STAG1: variants seen among roughly 807,000 people sequenced by gnomAD.
STAG1 encodes cohesin subunit SA-1.
STAG1 carries 26 observed loss-of-function variants against 170.9 expected under a neutral mutation model. That is an observed-to-expected ratio of 0.15 (90% CI 0.11 to 0.21). STAG1 has a LOEUF of 0.21. Ranked by LOEUF, STAG1 falls within the 10% of genes least tolerant of loss-of-function variation. STAG1 has a pLI of 1.00. For missense variants in STAG1, 964 were observed against 1,509.5 expected (o/e 0.64, Z 5.99); for synonymous variants, 514 against 497.7 (o/e 1.03, Z -0.44).
chr3:136,610,126 T>C (rs965806060), intron 3 of STAG1, among the ~76,000 whole-genome samples: 3 of 152,040 alleles, frequency 2.0e-5, no homozygotes, highest in Non-Finnish European at 4.4e-5. Context: ...CCTCCACACC[T>C]CCCAGGTTCA....
At position 136,551,959 on chromosome 3, in the gene STAG1, A is replaced by T. The variant is rs1395015175; in HGVS notation, c.395-9764T>A. ...AGAGAGGCTGAAATTGAAAAATATT[A>T]AGGCAAAATACTTCATATTCCAATC... On this transcript the variant is annotated intron_variant, in intron 5 of 33. Coordinates refer to ENST00000383202, the MANE Select transcript of STAG1 (RefSeq NM_005862.3). Among the ~76,000 whole-genome samples the T allele has an allele frequency of 2.0e-5, 3 of 152,266 alleles. No homozygotes were observed. The East Asian group carries it at 5.8e-4, about 29-fold the overall frequency.
At chr3:136,439,673 T>C (rs1372303911) in intron 15 of STAG1, among the ~76,000 whole-genome samples, 2 of 152,152 alleles carry the variant, frequency 1.3e-5, no homozygotes, top group African/African-American at 4.8e-5. Context: ...AAAATTAATT[T>C]AGATGCCACT....
chr3:136,585,331 A>G (rs2107784515), intron 4 of STAG1, among the ~76,000 whole-genome samples: 1 of 152,282 alleles, frequency 6.6e-6, no homozygotes, highest in South Asian at 2.1e-4. Flanking sequence ...AATCTCAGCT[A>G]CTGGGGAGGC....
chr3:136,532,999 A>G (rs1935452950), intron 6 of STAG1, among the ~76,000 whole-genome samples: 1 of 152,182 alleles, frequency 6.6e-6, no homozygotes, highest in Non-Finnish European at 1.5e-5. Flanking sequence ...AGATGACATG[A>G]TCTTTTATTT....
At chr3:136,634,176 T>A (rs994226169) in intron 1 of STAG1, among the ~76,000 whole-genome samples, 2 of 150,612 alleles carry the variant, frequency 1.3e-5, no homozygotes, top group African/African-American at 4.9e-5. Context: ...AAAAAAATTT[T>A]AAAAAGGCAA....
At position 136,359,210 on chromosome 3, in the gene STAG1, G is replaced by A. The variant is rs1936765635; in HGVS notation, c.2874C>T (p.Arg958=). The change falls in exon 27 of 34, where the codon CGC becomes CGT. Residue 958 remains arginine, a synonymous_variant. Coordinates refer to ENST00000383202, the MANE Select transcript of STAG1 (RefSeq NM_005862.3). ...HVSGIKELAR[R]FALTFGLDQI... ...GGTCCAATCCAAATGTAAGGGCAAA[G>A]CGACGTGCCAGTTCTTTAATGCCAC... 1 of 1,613,946 alleles carries A rather than the reference G, an allele frequency of 6.2e-7. No individual in the cohort carries two copies. The highest frequency in any genetic ancestry group is 1.3e-5 in the African/African-American group (1 of 75,046).
intron 16 of STAG1, among the ~76,000 whole-genome samples, chr3:136,431,086 T>TA (rs2088289562): frequency 3.9e-5 from 6 of 151,918 alleles, no homozygotes; most frequent in Admixed American, 3.9e-4. Context: ...GTAATTTTAG[T>TA]AGAGATGGGG....
chr3:136,748,553 G>A (rs1376097332), intron 1 of STAG1, among the ~76,000 whole-genome samples: 2 of 150,616 alleles, frequency 1.3e-5, no homozygotes, highest in South Asian at 2.1e-4. Context: ...GTGCTACCAC[G>A]CCTGGCTAAT....
At chr3:136,665,013 A>G (rs1262838199) in intron 1 of STAG1, among the ~76,000 whole-genome samples, 1 of 152,244 alleles carries the variant, frequency 6.6e-6, no homozygotes, top group Non-Finnish European at 1.5e-5. Flanking sequence ...GAGTTTCTCC[A>G]GCTGGTTTTT....
chr3:136,371,297 C>T (rs1937327390), intron 23 of STAG1, among the ~76,000 whole-genome samples: 1 of 152,072 alleles, frequency 6.6e-6, no homozygotes, highest in African/African-American at 2.4e-5. Context: ...TTCTCCCATT[C>T]TGTAGGTTGC....
chr3:136,637,314 A>G (rs1157846178), intron 1 of STAG1, among the ~76,000 whole-genome samples: 1 of 152,240 alleles, frequency 6.6e-6, no homozygotes, highest in African/African-American at 2.4e-5. Context: ...GAAAAGATAA[A>G]TAAGTAGGAA....
At chr3:136,398,049 C>T (rs901570340) in intron 22 of STAG1, among the ~76,000 whole-genome samples, 6 of 151,592 alleles carry the variant, frequency 4.0e-5, no homozygotes, top group African/African-American at 4.8e-5. Flanking sequence ...TGGGTTCAAG[C>T]GATTCTCCTG....
intron 1 of STAG1, among the ~76,000 whole-genome samples, chr3:136,747,093 T>TTAAAA (rs1246647616): frequency 5.1e-5 from 3 of 59,340 alleles, no homozygotes; most frequent in African/African-American, 8.3e-5. Flanking sequence ...TGAAACTGTC[T>TTAAAA]AAAAAAAAAA....
intron 22 of STAG1, among the ~76,000 whole-genome samples, chr3:136,386,942 A>G (rs1385193253): frequency 6.6e-6 from 1 of 152,230 alleles, no homozygotes; most frequent in Non-Finnish European, 1.5e-5. Flanking sequence ...AATAAACAGT[A>G]AAGTAGCAAA....
intron 7 of STAG1, among the ~76,000 whole-genome samples, chr3:136,506,845 A>G (rs374369438): frequency 2.6e-5 from 4 of 152,346 alleles, no homozygotes; most frequent in Admixed American, 6.5e-5. Flanking sequence ...TCAGAACCAT[A>G]AAACTAGATG....
At chr3:136,672,513 T>C (rs1942007563) in intron 1 of STAG1, among the ~76,000 whole-genome samples, 4 of 152,186 alleles carry the variant, frequency 2.6e-5, no homozygotes, top group African/African-American at 7.2e-5. Flanking sequence ...AGAAAAAGAC[T>C]ATCACAAAGC....
rs1409438102 is a variant in STAG1, at chr3:136,505,534, G to T, written c.677-2755C>A. On this transcript the variant is annotated intron_variant, in intron 7 of 33. Coordinates refer to ENST00000383202, the MANE Select transcript of STAG1 (RefSeq NM_005862.3). Reference sequence around the variant, plus strand: ...CCACCGCATTTTACAAAAGTACTAGGTTGTGACAGATTCGTAATTAAAAAC... The same window carrying T: ...CCACCGCATTTTACAAAAGTACTAGTTTGTGACAGATTCGTAATTAAAAAC... Among the ~76,000 whole-genome samples the T allele has an allele frequency of 2.0e-5, 3 of 152,200 alleles. No individual in the cohort carries two copies. In the East Asian group the frequency reaches 5.8e-4, roughly 29 times the overall value.
At chr3:136,660,734 T>G (rs570850288) in intron 1 of STAG1, among the ~76,000 whole-genome samples, 42 of 152,048 alleles carry the variant, frequency 2.8e-4, no homozygotes, top group Middle Eastern at 6.8e-3. Flanking sequence ...TTTGGGAGGC[T>G]AAGGTGGGAG....
rs185672583 is a variant in STAG1 at position 136,685,775 on chromosome 3, T to C, written c.-83-54794A>G. Reference sequence around the variant, plus strand: ...TAAAAAGATCCATGACTGCAAAGGGTTGGGGGGACTAGTATGCCGAGTATC... The same window carrying C: ...TAAAAAGATCCATGACTGCAAAGGGCTGGGGGGACTAGTATGCCGAGTATC... On this transcript the variant is annotated intron_variant, in intron 1 of 33. Transcript: ENST00000383202. 3.3e-5 allele frequency among the ~76,000 whole-genome samples: 5 copies of C among 152,116 alleles called. No homozygotes were observed. The East Asian group carries it at 9.7e-4, about 29-fold the overall frequency.
Sources: gnomAD v4.1 joint callset for allele counts (sites outside exome capture counted in the v4.1 genomes callset) on GRCh38, gnomAD v4.1.1 for gene constraint, MANE v1.5 for transcripts, NCBI Gene and HGNC (gene_info 2026-07-23, HGNC 2026-07-21) for gene names.